DTWD2: variants seen among roughly 807,000 people sequenced by gnomAD.
The protein encoded by DTWD2 is tRNA-uridine aminocarboxypropyltransferase 2.
A neutral mutation model predicts 31.8 loss-of-function variants in DTWD2; 39 were observed. The ratio of observed to expected loss-of-function variants is 1.22; its 90% CI spans 0.95 to 1.60. DTWD2 has a LOEUF of 1.60. Ranked by LOEUF, DTWD2 falls within the 40% of genes most tolerant of loss-of-function variation. DTWD2 has a pLI of 0.00. For synonymous variants in DTWD2, 180 were observed against 142.8 expected (o/e 1.26, Z -1.86); for missense variants, 515 against 381.5 (o/e 1.35, Z -2.92).
At position 118,877,026 on chromosome 5, in the gene DTWD2, A is replaced by G. The variant is rs547494100; in HGVS notation, c.598-28808T>C. ...CAACAGCACATCAAAAAGCTTATCC[A>G]CCATAATCAAGTAGGCTTTATCCCT... On this transcript the variant is annotated intron_variant, in intron 4 of 5. Coordinates refer to ENST00000510708, the MANE Select transcript of DTWD2 (RefSeq NM_173666.4). 1.2e-4 allele frequency among the ~76,000 whole-genome samples: 19 copies of G among 152,370 alleles called. 1 individual carries two copies. In the East Asian group the frequency reaches 3.7e-3, roughly 29 times the overall value.
At chr5:118,849,641 G>A (rs978667463) in intron 4 of DTWD2, among the ~76,000 whole-genome samples, 2 of 152,168 alleles carry the variant, frequency 1.3e-5, no homozygotes, top group East Asian at 3.8e-4. Flanking sequence ...GCCTATCAAT[G>A]ACAGACTGGA....
chr5:118,939,277 A>G lies in DTWD2; in HGVS notation c.323T>C (p.Leu108Ser), dbSNP rs1402283338. ...IQHPAEENKVLRTVPLLAACL... is the reference protein window; with the variant it reads ...IQHPAEENKVSRTVPLLAACL... ...TGCTGCTAGTAGAGGAACTGTACGC[A>G]ACACTTTGTTTTCCTTTAATTAAAA... The change falls in exon 3 of 6, where the codon TTG (leucine) becomes TCG (serine). Residue 108 changes from leucine to serine, a missense_variant. Physicochemically the swap from Leu to Ser is moderately radical, Grantham distance 145 (BLOSUM62 -2). Coordinates refer to ENST00000510708, the MANE Select transcript of DTWD2 (RefSeq NM_173666.4). 1 of 1,579,198 alleles carries G rather than the reference A, an allele frequency of 6.3e-7. No individual in the cohort carries two copies. The highest frequency in any genetic ancestry group is 2.3e-5 in the East Asian group (1 of 43,460).
intron 1 of DTWD2, among the ~76,000 whole-genome samples, chr5:118,976,648 C>T (rs907234893): frequency 3.3e-5 from 5 of 152,096 alleles, no homozygotes; most frequent in African/African-American, 9.7e-5. Context: ...AGGAAGAAGT[C>T]GAATCCCTGA....
chr5:118,889,473 T>C (rs1752934296), intron 4 of DTWD2, among the ~76,000 whole-genome samples: 1 of 152,080 alleles, frequency 6.6e-6, no homozygotes, highest in Non-Finnish European at 1.5e-5. Context: ...TAAAATCCAT[T>C]ATAAATTGAA....
chr5:118,951,373 GAGACTGAAGGAAC>G (rs1011914050), intron 1 of DTWD2, among the ~76,000 whole-genome samples: 1 of 152,172 alleles, frequency 6.6e-6, no homozygotes, highest in African/African-American at 2.4e-5. Flanking sequence ...GCTTGGGGTG[GAGACTGAAGGAAC>G]AGACAGGAGA....
At chr5:118,940,458 T>G (rs1293969526) in intron 2 of DTWD2, among the ~76,000 whole-genome samples, 3 of 152,240 alleles carry the variant, frequency 2.0e-5, no homozygotes, top group Non-Finnish European at 4.4e-5. Context: ...TACTCCCCAG[T>G]ACCACATCCT....
intron 1 of DTWD2, among the ~76,000 whole-genome samples, chr5:118,972,291 T>C (rs1755004962): frequency 6.6e-6 from 1 of 152,134 alleles, no homozygotes; most frequent in African/African-American, 2.4e-5. Flanking sequence ...AAGGGGGATA[T>C]CACCACTGAC....
rs139409691 is a variant in DTWD2 at position 118,973,406 on chromosome 5, C to A, written c.218+14888G>T. On this transcript the variant is annotated intron_variant, in intron 1 of 5. Transcript: ENST00000510708. ...AGTGGCTGGTACTTGTTTTTCCTTT[C>A]CGTATTTAGTGCTTCCTTGAGGAGC... is the stretch of plus-strand genomic sequence containing the variant. Among the ~76,000 whole-genome samples, 1,156 of 152,210 alleles carry A rather than the reference C, an allele frequency of 7.6e-3. 18 individuals carry two copies. Among genetic ancestry groups the A allele is most frequent in the African/African-American group, 0.026 (1,094 of 41,532 alleles).
At chr5:118,921,208 T>G (rs1580807278) in intron 4 of DTWD2, among the ~76,000 whole-genome samples, 1 of 151,934 alleles carries the variant, frequency 6.6e-6, no homozygotes, top group African/African-American at 2.4e-5. Context: ...GATCCAGAGG[T>G]GTGGATATAT....
chr5:118,866,942 T>A (rs541401840), intron 4 of DTWD2, among the ~76,000 whole-genome samples: 61 of 151,638 alleles, frequency 4.0e-4, no homozygotes, highest in African/African-American at 1.4e-3. Flanking sequence ...AATAAAAAAA[T>A]AAACTACAAA....
Position 118,988,513 on chromosome 5 carries a change from G to T in DTWD2, c.-2C>A. On this transcript the variant is annotated 5_prime_UTR_variant, in exon 1 of 6. Transcript: ENST00000510708. The stretch of plus-strand genomic sequence containing the variant: ...TCGTGCCTCTTTCTGCGACTCCATG[G>T]CGGACACTCCGGTCAGGCCGTGGCA... 1 of 1,556,254 alleles carries T rather than the reference G, an allele frequency of 6.4e-7. No individual in the cohort carries two copies. Among genetic ancestry groups the T allele is most frequent in the African/African-American group, 1.4e-5 (1 of 70,564 alleles).
chr5:118,869,429 C>T (rs889591601), intron 4 of DTWD2, among the ~76,000 whole-genome samples: 7 of 152,134 alleles, frequency 4.6e-5, no homozygotes, highest in African/African-American at 1.7e-4. Flanking sequence ...GTTCCTACTG[C>T]AATCTTTAGG....
At chr5:118,949,236 A>T (rs1352697039) in intron 1 of DTWD2, among the ~76,000 whole-genome samples, 1 of 152,150 alleles carries the variant, frequency 6.6e-6, no homozygotes. Context: ...GGCTTGACTG[A>T]AGTAATGGGG....
intron 4 of DTWD2, among the ~76,000 whole-genome samples, chr5:118,868,207 C>T (rs1450211851): frequency 1.3e-5 from 2 of 151,804 alleles, no homozygotes; most frequent in African/African-American, 4.8e-5. Flanking sequence ...ACGAGATACC[C>T]ACATGCAAAA....
intron 2 of DTWD2, among the ~76,000 whole-genome samples, chr5:118,943,669 C>T (rs1754261851): frequency 6.6e-6 from 1 of 152,086 alleles, no homozygotes; most frequent in Admixed American, 6.5e-5. Context: ...ACCCGGGAGG[C>T]AGAGATTGCA....
At chr5:118,923,930 C>T (rs752076800) in intron 4 of DTWD2, among the ~76,000 whole-genome samples, 1 of 152,100 alleles carries the variant, frequency 6.6e-6, no homozygotes, top group African/African-American at 2.4e-5. Flanking sequence ...TTAAATGCTT[C>T]GGAAGGGCAT....
chr5:118,902,075 A>G (rs1255100850), intron 4 of DTWD2, among the ~76,000 whole-genome samples: 1 of 152,192 alleles, frequency 6.6e-6, no homozygotes, highest in Non-Finnish European at 1.5e-5. Flanking sequence ...TAATCACATA[A>G]CAATCCCTTC....
intron 4 of DTWD2, among the ~76,000 whole-genome samples, chr5:118,873,452 G>C (rs1002699659): frequency 2.6e-5 from 4 of 152,196 alleles, no homozygotes; most frequent in African/African-American, 9.7e-5. Context: ...TGCCTGTCTG[G>C]TAGAGAGCTT....
chr5:118,973,618 CGCG>C (rs1755044551), intron 1 of DTWD2, among the ~76,000 whole-genome samples: 2 of 23,682 alleles, frequency 8.4e-5, no homozygotes, highest in Non-Finnish European at 1.1e-4. Context: ...CCTCCTTGCT[CGCG>C]GCAGCCTCCT....
Sources: allele counts gnomAD v4.1 joint callset (sites outside exome capture counted in the v4.1 genomes callset), GRCh38; gene constraint gnomAD v4.1.1; transcripts MANE v1.5; gene names NCBI Gene and HGNC (gene_info 2026-07-23, HGNC 2026-07-21).